ADGRB3: variants seen among roughly 807,000 people sequenced by gnomAD.
ADGRB3 encodes the protein adhesion G protein-coupled receptor B3.
In ADGRB3, 37 loss-of-function variants were observed where a neutral mutation model predicts 193.4. That is an observed-to-expected ratio of 0.19 (90% confidence interval 0.15 to 0.25). ADGRB3 has a LOEUF of 0.25. Among genes scored for constraint, ADGRB3 ranks in the 10% least tolerant of loss-of-function variants. The pLI is 1.00. For missense variants in ADGRB3, 1,637 were observed against 1,852.9 expected (o/e 0.88, Z 2.14); for synonymous variants, 690 against 644.2 (o/e 1.07, Z -1.08).
At chr6:69,353,965 A>G (rs1285297167) in intron 26 of ADGRB3, among the ~76,000 whole-genome samples, 1 of 152,218 alleles carries the variant, frequency 6.6e-6, no homozygotes, top group Non-Finnish European at 1.5e-5. Context: ...TGAGAGGCTG[A>G]GGCAGGAAAA....
intron 3 of ADGRB3, among the ~76,000 whole-genome samples, chr6:68,701,593 C>T (rs1373357337): frequency 1.3e-5 from 2 of 152,124 alleles, no homozygotes; most frequent in Admixed American, 1.3e-4. Context: ...TATTATAGCT[C>T]CTCCTCATGT....
At chr6:68,790,668 A>G (rs1767085293) in intron 3 of ADGRB3, among the ~76,000 whole-genome samples, 1 of 152,234 alleles carries the variant, frequency 6.6e-6, no homozygotes, top group Non-Finnish European at 1.5e-5. Flanking sequence ...GCAGATACCC[A>G]GGTAAACAGG....
chr6:68,783,489 G>T (rs1224213713), intron 3 of ADGRB3, among the ~76,000 whole-genome samples: 1 of 151,608 alleles, frequency 6.6e-6, no homozygotes, highest in Non-Finnish European at 1.5e-5. Flanking sequence ...TGAAATATGA[G>T]ACTCTCTCTA....
chr6:69,232,269 A>ATTT, intron 17 of ADGRB3: 5 of 415,348 alleles, frequency 1.2e-5, no homozygotes, highest in South Asian at 5.2e-5. Flanking sequence ...GCTCTATAGC[A>ATTT]TTTTTTTTTT....
intron 13 of ADGRB3, among the ~76,000 whole-genome samples, chr6:69,041,586 AT>A (rs1771072879): frequency 6.6e-6 from 1 of 151,952 alleles, no homozygotes; most frequent in Non-Finnish European, 1.5e-5. Context: ...CTTGATAATA[AT>A]GATAAAGATG....
chr6:69,180,784 G>A (rs186083387), intron 17 of ADGRB3, among the ~76,000 whole-genome samples: 204 of 152,280 alleles, frequency 1.3e-3, no homozygotes, highest in Non-Finnish European at 1.0e-3. Context: ...GCCCCTACCC[G>A]ACTCCAGAGT....
intron 3 of ADGRB3, among the ~76,000 whole-genome samples, chr6:68,642,728 CTT>C (rs11351150): frequency 0.012 from 1,779 of 143,954 alleles, 13 homozygotes; most frequent in Non-Finnish European, 0.018. Flanking sequence ...AAAATGAAGC[CTT>C]TTTTTTTTTT....
intron 7 of ADGRB3, 113 bp downstream of exon 7, chr6:68,956,301 A>ATATGTGTGTG: frequency 1.1e-6 from 1 of 878,914 alleles, no homozygotes; most frequent in Non-Finnish European, 1.6e-6. Context: ...TTATATATAT[A>ATATGTGTGTG]TGTGTGTGTG....
chr6:69,057,302 G>A (rs1582428044), intron 15 of ADGRB3, among the ~76,000 whole-genome samples: 1 of 152,050 alleles, frequency 6.6e-6, no homozygotes, highest in Non-Finnish European at 1.5e-5. Context: ...ATGTGTGTCT[G>A]TGTGTAATCT....
At chr6:68,648,890 G>C (rs559026105) in intron 3 of ADGRB3, among the ~76,000 whole-genome samples, 2 of 151,564 alleles carry the variant, frequency 1.3e-5, no homozygotes, top group East Asian at 3.9e-4. Context: ...TCACCCTTAA[G>C]AAAATAAAGA....
chr6:69,219,779 A>G (rs1765854190), intron 17 of ADGRB3, among the ~76,000 whole-genome samples: 1 of 151,884 alleles, frequency 6.6e-6, no homozygotes, highest in Non-Finnish European at 1.5e-5. Flanking sequence ...TGAGCTATGC[A>G]TTCTTATCAC....
At chr6:69,046,804 C>T (rs1771249236) in intron 13 of ADGRB3, among the ~76,000 whole-genome samples, 2 of 152,006 alleles carry the variant, frequency 1.3e-5, no homozygotes, top group Admixed American at 1.3e-4. Context: ...AATTTTCATC[C>T]TCCTGATTTA....
chr6:68,645,375 A>C (rs926953044), intron 3 of ADGRB3, among the ~76,000 whole-genome samples: 1 of 152,172 alleles, frequency 6.6e-6, no homozygotes, highest in Admixed American at 6.5e-5. Context: ...ATGACTTGGA[A>C]TATTTCAGTT....
At chr6:68,943,132 G>C (rs1171241278) in intron 5 of ADGRB3, among the ~76,000 whole-genome samples, 1 of 152,040 alleles carries the variant, frequency 6.6e-6, no homozygotes, top group Non-Finnish European at 1.5e-5. Flanking sequence ...TGTTAGAGGA[G>C]GAAAAGCATC....
intron 3 of ADGRB3, among the ~76,000 whole-genome samples, chr6:68,808,503 C>T (rs928562683): frequency 2.0e-5 from 3 of 151,352 alleles, no homozygotes; most frequent in African/African-American, 7.3e-5. Flanking sequence ...ATTTTCAATA[C>T]ACTACCAATT....
chr6:69,352,077 A>G (rs1280712455), intron 26 of ADGRB3, among the ~76,000 whole-genome samples: 2 of 152,070 alleles, frequency 1.3e-5, no homozygotes, highest in Non-Finnish European at 2.9e-5. Context: ...TATTTTTCTG[A>G]CATTGGTTTC....
intron 11 of ADGRB3, among the ~76,000 whole-genome samples, chr6:69,004,754 A>G (rs1195788162): frequency 1.3e-5 from 2 of 152,104 alleles, no homozygotes; most frequent in Admixed American, 6.5e-5. Context: ...TCCAAAGACA[A>G]TCACATCTGA....
At chr6:68,869,129 A>G (rs557348665) in intron 3 of ADGRB3, among the ~76,000 whole-genome samples, 184 of 152,272 alleles carry the variant, frequency 1.2e-3, no homozygotes, top group African/African-American at 4.3e-3. Context: ...TTAGAGAGAA[A>G]TTAATTACAA....
At chr6:68,909,654 C>T (rs1285414895) in intron 3 of ADGRB3, among the ~76,000 whole-genome samples, 1 of 152,144 alleles carries the variant, frequency 6.6e-6, no homozygotes, top group Non-Finnish European at 1.5e-5. Flanking sequence ...GTAACTTTGT[C>T]ATGCATTTTT....
Sources: allele counts gnomAD v4.1 joint callset (sites outside exome capture counted in the v4.1 genomes callset), GRCh38; gene constraint gnomAD v4.1.1; transcripts MANE v1.5; gene names NCBI Gene and HGNC (gene_info 2026-07-23, HGNC 2026-07-21).